The following EVI5L variants were observed in gnomAD, a reference collection of about 807,000 sequenced individuals.
The protein encoded by EVI5L is ecotropic viral integration site 5 like.
EVI5L carries 30 observed loss-of-function variants against 106.1 expected under a neutral mutation model. That is an observed-to-expected ratio of 0.28 (90% CI 0.21 to 0.38). EVI5L has a LOEUF of 0.38. Among genes scored for constraint, EVI5L ranks in the 10% least tolerant of loss-of-function variants. The probability of loss-of-function intolerance (pLI) is 1.00; values close to 1 mark genes in which losing one functional copy is unlikely to be tolerated. For synonymous variants in EVI5L, 489 were observed against 483.3 expected, an observed-to-expected ratio of 1.01 and a Z score of -0.15; for missense variants, 809 against 1,098.0, an observed-to-expected ratio of 0.74 and a Z score of 3.72.
At chr19:7,855,338 T>C (rs1467788145) in intron 10 of EVI5L, among the ~76,000 whole-genome samples, 1 of 152,128 alleles carries the variant, frequency 6.6e-6, no homozygotes, top group Non-Finnish European at 1.5e-5. Flanking sequence ...GTGATTTGCC[T>C]GCCTCGGCCT....
At chr19:7,846,976 C>G (rs1978980785) in intron 2 of EVI5L, among the ~76,000 whole-genome samples, 1 of 152,198 alleles carries the variant, frequency 6.6e-6, no homozygotes, top group African/African-American at 2.4e-5. Flanking sequence ...TTCCTGCTTT[C>G]TTCCTCTGAC....
At chr19:7,838,965 C>T (rs693941) in intron 1 of EVI5L, among the ~76,000 whole-genome samples, 72,983 of 150,596 alleles carry the variant, frequency 0.48, 17,994 homozygotes, top group South Asian at 0.69. Flanking sequence ...CAGTGCACTC[C>T]AGCCTGGGAG....
rs1298230927 is a variant in EVI5L, at chr19:7,863,218, C to A, written c.2077C>A (p.His693Asn). ...EEGRIQGQLN[H>N]SDSSQYIREL... ...AGGCCGCATCCAGGGCCAGCTGAAC[C>A]ACTCGGACTCATCGCAGTACATCCG... is the stretch of plus-strand genomic sequence containing the variant. Residue 693 changes from histidine to asparagine, a missense_variant, in exon 19 of 20, where the codon CAC becomes AAC. Physicochemically the swap from His to Asn is moderately conservative, Grantham distance 68. Transcript: ENST00000538904. This position sits in a 1 kb window ranked among gnomAD's most constrained non-coding sequence, Gnocchi z 7.7. 3.8e-6 allele frequency: 6 copies of A among 1,561,978 alleles called. No individual in the cohort carries two copies. The highest frequency in any genetic ancestry group is 5.2e-6 in the Non-Finnish European group (6 of 1,153,384).
intron 1 of EVI5L, among the ~76,000 whole-genome samples, chr19:7,842,804 A>G (rs751787366): frequency 1.5e-4 from 23 of 148,466 alleles, no homozygotes; most frequent in South Asian, 8.6e-4. Flanking sequence ...AAGCATGTGT[A>G]TATCGAGTGT....
At position 7,848,908 on chromosome 19, in the gene EVI5L, C is replaced by T. The variant is rs747808275; in HGVS notation, c.328-13C>T. 6.2e-7 allele frequency: 1 copy of T among 1,602,070 alleles called. No individual in the cohort carries two copies. Among genetic ancestry groups the T allele is most frequent in the Non-Finnish European group, 8.5e-7 (1 of 1,171,218 alleles). On this transcript the variant is annotated splice_polypyrimidine_tract_variant and intron_variant, in intron 3 of 19. Coordinates refer to ENST00000538904, the MANE Select transcript of EVI5L (RefSeq NM_001159944.3). This position sits in a 1 kb window ranked among gnomAD's most constrained non-coding sequence, Gnocchi z 4.8. ...GACCGAGTCCAGCCCCCGCTTCCCG[C>T]TCCCGTGGCCAGGAGCTGATCCGCA... is the stretch of plus-strand genomic sequence containing the variant.
At chr19:7,839,735 G>A (rs1978514355) in intron 1 of EVI5L, among the ~76,000 whole-genome samples, 1 of 144,572 alleles carries the variant, frequency 6.9e-6, no homozygotes, top group Non-Finnish European at 1.5e-5. Flanking sequence ...AGCAGCCTGG[G>A]CAACATAGTG....
chr19:7,843,612 G>A (rs1408630211), intron 1 of EVI5L, among the ~76,000 whole-genome samples: 1 of 133,836 alleles, frequency 7.5e-6, no homozygotes, highest in Non-Finnish European at 1.6e-5. Flanking sequence ...TGTGTGTATA[G>A]GTGTGTGTGA....
rs780884785 is a variant in EVI5L, at chr19:7,856,004, C to A, written c.1147-11C>A. The A allele has an allele frequency of 3.0e-6, 4 of 1,327,312 alleles. No homozygotes were observed. The highest frequency in any genetic ancestry group is 2.7e-5 in the South Asian group (1 of 36,796). 82.2% of individuals were successfully genotyped at this position (1,327,312 alleles called of 1,614,324 possible). On this transcript the variant is annotated splice_polypyrimidine_tract_variant and intron_variant, in intron 10 of 19. Coordinates refer to ENST00000538904, the MANE Select transcript of EVI5L (RefSeq NM_001159944.3). The surrounding 1 kb of genome is among the most constrained non-coding windows in gnomAD (Gnocchi z 6.6). ...GGCGGGCTATGACGTGATCTCCCCC[C>A]ACCCCCATAGAGACTTCGGACGGAG... is the stretch of plus-strand genomic sequence containing the variant.
chr19:7,839,855 C>T (rs1321984944), intron 1 of EVI5L, among the ~76,000 whole-genome samples: 1 of 152,122 alleles, frequency 6.6e-6, no homozygotes, highest in Admixed American at 6.5e-5. Flanking sequence ...GCCAGGATCT[C>T]GCACCACTGC....
At chr19:7,862,050 C>A (rs769064781) in intron 15 of EVI5L, 32 bp downstream of exon 15, 4 of 1,537,130 alleles carry the variant, frequency 2.6e-6, no homozygotes, top group Non-Finnish European at 3.5e-6. Context: ...GCGGGCAGAG[C>A]GCCCCCTAGG....
chr19:7,853,419 G>A (rs950431001), intron 10 of EVI5L, 86 bp downstream of exon 10: 1 of 1,529,274 alleles, frequency 6.5e-7, no homozygotes, highest in Non-Finnish European at 8.9e-7. Flanking sequence ...CCGCTAGGGG[G>A]CGGGCCTTCC....
chr19:7,849,472 C>A, intron 5 of EVI5L, 142 bp downstream of exon 5: 2 of 926,816 alleles, frequency 2.2e-6, no homozygotes, highest in Non-Finnish European at 3.2e-6. Flanking sequence ...ACACCCGTGA[C>A]CTCTGCCAAT....
chr19:7,862,631 C>T lies in EVI5L; in HGVS notation c.1947+97C>T, dbSNP rs1979876470. ...CCAATCCGCCTCTGCCGGCGTCCTG[C>T]CTCCCGATCTGCCCCTGCCCGCGGT... On this transcript the variant is annotated intron_variant, in intron 17 of 19. Transcript: ENST00000538904. The T allele has an allele frequency of 5.3e-6, 6 of 1,137,250 alleles. No individual in the cohort carries two copies. In the South Asian group the frequency reaches 1.3e-4, roughly 26 times the overall value. 70.4% of individuals were successfully genotyped at this position (1,137,250 alleles called of 1,614,324 possible). A position where few individuals can be genotyped will look rare whatever the true frequency, so the allele number is the denominator to read the frequency against.
chr19:7,848,865 A>G lies in EVI5L; in HGVS notation c.328-56A>G, dbSNP rs1241237617. On this transcript the variant is annotated intron_variant, in intron 3 of 19. Transcript: ENST00000538904. This position sits in a 1 kb window ranked among gnomAD's most constrained non-coding sequence, Gnocchi z 4.8. ...GCCTGAGGAGCTGGGCTGGGTGGCC[A>G]CGGGGAGGCTGCGCTGGGACCGAGT... is the stretch of plus-strand genomic sequence containing the variant. 3.9e-6 allele frequency: 6 copies of G among 1,555,668 alleles called. No homozygotes were observed. Among genetic ancestry groups the G allele is most frequent in the Non-Finnish European group, 5.3e-6 (6 of 1,142,120 alleles).
intron 13 of EVI5L, among the ~76,000 whole-genome samples, chr19:7,859,453 G>C (rs964358336): frequency 2.0e-5 from 3 of 152,212 alleles, no homozygotes; most frequent in African/African-American, 7.2e-5. Flanking sequence ...CCGCCCCCAG[G>C]CCCAGAGACT....
rs71179149 is a variant in EVI5L at position 7,844,331 on chromosome 19, C to CAA, written c.-47-2147_-47-2146dup. 4.3e-3 allele frequency among the ~76,000 whole-genome samples: 575 copies of CAA among 132,410 alleles called. 7 individuals are homozygous for CAA. The highest frequency in any genetic ancestry group is 0.016 in the African/African-American group (555 of 34,262). The allele number at this position is 132,410 out of a possible 152,430, so 86.9% of individuals were successfully genotyped here. On this transcript the variant is annotated intron_variant, in intron 1 of 19. Transcript: ENST00000538904. ...TGGGCAACAGAGCGAGACTCCGTCT[C>CAA]AAAAAAAAAAAAAAAAAAAGAAAGA...
chr19:7,837,705 T>G (rs762208679), intron 1 of EVI5L, among the ~76,000 whole-genome samples: 7 of 152,084 alleles, frequency 4.6e-5, no homozygotes, highest in East Asian at 1.9e-4. Flanking sequence ...TTGGTTTTTG[T>G]TTTTTGTTTT....
rs373056110 is a variant in EVI5L at position 7,854,260 on chromosome 19, C to T, written c.1146+927C>T. On this transcript the variant is annotated intron_variant, in intron 10 of 19. Transcript: ENST00000538904. ...TTGTACCGTTGCACTCCAGCCTGGG[C>T]GACAGAGTGAGACTGTGTCTCAAAA... Among the ~76,000 whole-genome samples, 57 of 136,274 alleles carry T rather than the reference C, an allele frequency of 4.2e-4. 1 individual carries two copies. In the South Asian group the frequency reaches 8.5e-3, roughly 20 times the overall value. 89.4% of individuals were successfully genotyped at this position (136,274 alleles called of 152,430 possible).
intron 1 of EVI5L, among the ~76,000 whole-genome samples, chr19:7,832,793 TC>T (rs1378366715): frequency 1.3e-5 from 2 of 152,130 alleles, no homozygotes; most frequent in Non-Finnish European, 2.9e-5. Context: ...CACAGGGTCT[TC>T]CCAGGAGGAC....
Sources: gnomAD v4.1 joint callset for allele counts (sites outside exome capture counted in the v4.1 genomes callset) on GRCh38, gnomAD v4.1.1 for gene constraint, Gnocchi (gnomAD v3.1) non-coding constraint, MANE v1.5 for transcripts, NCBI Gene and HGNC (gene_info 2026-07-23, HGNC 2026-07-21) for gene names.